RNF144A: variants seen among roughly 807,000 people sequenced by gnomAD.
The protein encoded by RNF144A is E3 ubiquitin-protein ligase RNF144A.
Under a neutral mutation model 38.7 loss-of-function variants are expected in RNF144A, and 11 were observed. That is an observed-to-expected ratio of 0.28 (90% confidence interval 0.18 to 0.47). The LOEUF (loss-of-function observed/expected upper bound fraction) is 0.47, where lower values mean the gene tolerates loss of function less well. Ranked by LOEUF, RNF144A falls within the 20% of genes least tolerant of loss-of-function variation. The pLI is 0.99. For missense variants in RNF144A, 316 were observed against 377.2 expected, an observed-to-expected ratio of 0.84 and a Z score of 1.34; for synonymous variants, 149 against 143.9, an observed-to-expected ratio of 1.04 and a Z score of -0.25.
chr2:7,068,591 A>G (rs1455559236), downstream of RNF144A, among the ~76,000 whole-genome samples: 1 of 152,232 alleles, frequency 6.6e-6, no homozygotes, highest in East Asian at 1.9e-4. Context: ...GTCAGACTGC[A>G]CTGGCGAATC....
At chr2:6,965,386 G>A (rs1667598493) in intron 2 of RNF144A, among the ~76,000 whole-genome samples, 1 of 152,208 alleles carries the variant, frequency 6.6e-6, no homozygotes, top group Non-Finnish European at 1.5e-5. Flanking sequence ...TCTTAGGTGA[G>A]TGGGCCTACA....
intron 2 of RNF144A, among the ~76,000 whole-genome samples, chr2:6,949,947 T>A (rs886124593): frequency 3.3e-5 from 5 of 152,050 alleles, no homozygotes; most frequent in Admixed American, 6.5e-5. Context: ...TCACCATTAT[T>A]ATTATTATTA....
intron 4 of RNF144A, 54 bp from the exon 5 acceptor site, chr2:7,014,658 A>G (rs1671024115): frequency 1.3e-6 from 2 of 1,551,256 alleles, no homozygotes; most frequent in Admixed American, 1.7e-5. Context: ...GCGTTGCATT[A>G]TATTCTAGCC....
chr2:6,933,201 CT>C (rs1665316975), intron 1 of RNF144A: 1 of 152,194 alleles, frequency 6.6e-6, no homozygotes, highest in Admixed American at 6.5e-5. Flanking sequence ...CTTTGGAACC[CT>C]TTACGTACGT....
downstream of RNF144A, among the ~76,000 whole-genome samples, chr2:7,046,952 CAAGA>C (rs1193177426): frequency 6.6e-6 from 1 of 152,126 alleles, no homozygotes; most frequent in East Asian, 1.9e-4. Flanking sequence ...TTTTACTGCA[CAAGA>C]AAGATCCAAC....
chr2:7,060,684 G>A (rs1673916723), intron 6 of RNF144A, among the ~76,000 whole-genome samples: 1 of 152,142 alleles, frequency 6.6e-6, no homozygotes, highest in South Asian at 2.1e-4. Context: ...CCACACCAGA[G>A]ATGCGTAGCA....
chr2:6,996,777 A>C (rs1558416884), intron 2 of RNF144A, 139 bp from the exon 3 acceptor site: 1 of 822,692 alleles, frequency 1.2e-6, no homozygotes, highest in Non-Finnish European at 1.9e-6. Flanking sequence ...AATTCTCAGA[A>C]CATCCAGATG....
intron 1 of RNF144A, among the ~76,000 whole-genome samples, chr2:6,938,234 C>G (rs1432624024): frequency 7.5e-6 from 1 of 133,366 alleles, no homozygotes; most frequent in Non-Finnish European, 1.6e-5. Context: ...TCCCCTCCCC[C>G]TCTCCCCTCC....
At chr2:7,017,845 T>G (rs1323370143) in intron 5 of RNF144A, among the ~76,000 whole-genome samples, 2 of 152,136 alleles carry the variant, frequency 1.3e-5, no homozygotes, top group African/African-American at 4.8e-5. Flanking sequence ...GGAAGGACAT[T>G]TGCAGTCTGC....
intron 8 of RNF144A, among the ~76,000 whole-genome samples, chr2:7,039,259 G>A (rs542525818): frequency 6.6e-6 from 1 of 150,468 alleles, no homozygotes; most frequent in East Asian, 2.0e-4. Context: ...ATGGATGATG[G>A]TTAATGGATG....
At chr2:6,952,255 GTTTAAATACACAT>G (rs1400977408) in intron 2 of RNF144A, among the ~76,000 whole-genome samples, 3 of 152,006 alleles carry the variant, frequency 2.0e-5, no homozygotes, top group Non-Finnish European at 1.5e-5. Flanking sequence ...AATCTAGCTT[GTTTAAATACACAT>G]CTGACACACA....
chr2:6,975,492 C>T (rs1013758016), intron 2 of RNF144A, among the ~76,000 whole-genome samples: 6 of 152,200 alleles, frequency 3.9e-5, no homozygotes, highest in African/African-American at 1.4e-4. Flanking sequence ...CACTGCCCAG[C>T]CCTCCTCGCC....
In RNF144A at chr2:7,014,492, A is replaced by G; in HGVS notation, c.174A>G (p.Gly58=). The G allele has an allele frequency of 6.2e-7, 1 of 1,612,062 alleles. No individual in the cohort carries two copies. The highest frequency in any genetic ancestry group is 8.5e-7 in the Non-Finnish European group (1 of 1,179,344). The change falls in exon 4 of 9, where the codon GGA becomes GGG. Residue 58 remains glycine, a synonymous_variant. Coordinates refer to ENST00000320892, the MANE Select transcript of RNF144A (RefSeq NM_014746.6). ...KQYVELLIKE[G]LETAISCPDA... ...ATGTTGAGCTCTTGATCAAAGAAGGATTAGAAACCGCAATTAGCTGCCCAG... is the reference window on the plus strand; with the variant it reads ...ATGTTGAGCTCTTGATCAAAGAAGGGTTAGAAACCGCAATTAGCTGCCCAG...
In RNF144A at chr2:7,054,357, T is replaced by A. The variant is rs997729792; in HGVS notation, c.735-13859T>A. Among the ~76,000 whole-genome samples, 6 of 152,194 alleles carry A rather than the reference T, an allele frequency of 3.9e-5. No homozygotes were observed. The East Asian group carries it at 1.2e-3, about 29-fold the overall frequency. ...ATACATATACATACATATGTACATA[T>A]ACACAGAGATATATAATCATAGGAG... On this transcript the variant is annotated intron_variant, in intron 6 of 6. Transcript: ENST00000432850.
intron 8 of RNF144A, among the ~76,000 whole-genome samples, chr2:7,032,851 C>A (rs1051245457): frequency 2.6e-5 from 4 of 152,228 alleles, no homozygotes; most frequent in African/African-American, 9.6e-5. Context: ...CCCATAACAA[C>A]ACCTACACCC....
At position 7,043,600 on chromosome 2, in the gene RNF144A, A is replaced by G; in HGVS notation, c.*3840A>G. Reference sequence around the variant, plus strand: ...CTAAGCCCTTATGAAAATAAACAAAATGAAGGGATTATGACAGGTATTACC... The same window carrying G: ...CTAAGCCCTTATGAAAATAAACAAAGTGAAGGGATTATGACAGGTATTACC... On this transcript the variant is annotated 3_prime_UTR_variant, in exon 9 of 9. Coordinates refer to ENST00000320892, the MANE Select transcript of RNF144A (RefSeq NM_014746.6). The G allele has an allele frequency of 1.0e-6, 1 of 985,760 alleles. No individual in the cohort carries two copies. Among genetic ancestry groups the G allele is most frequent in the Non-Finnish European group, 1.2e-6 (1 of 829,818 alleles). 61.1% of individuals were successfully genotyped at this position (985,760 alleles called of 1,614,324 possible).
chr2:7,042,871 T>A lies in RNF144A; in HGVS notation c.*3111T>A. ...CTGCCACCTCTGGCATTTTCTTTCT[T>A]TTTTTTTCTTTTTGAGACGGAGTTT... is the stretch of plus-strand genomic sequence containing the variant. On this transcript the variant is annotated 3_prime_UTR_variant, in exon 9 of 9. Transcript: ENST00000320892. The A allele has an allele frequency of 3.0e-6, 3 of 985,108 alleles. No individual in the cohort carries two copies. Among genetic ancestry groups the A allele is most frequent in the Non-Finnish European group, 3.6e-6 (3 of 829,682 alleles). The allele number at this position is 985,108 out of a possible 1,614,324, so 61.0% of individuals were successfully genotyped here.
chr2:6,925,430 A>G (rs1159222331), intron 1 of RNF144A, among the ~76,000 whole-genome samples: 1 of 152,130 alleles, frequency 6.6e-6, no homozygotes, highest in African/African-American at 2.4e-5. Context: ...CTAAGAAACC[A>G]TCTGTGTTTC....
At chr2:6,998,106 C>T (rs1669875415) in intron 3 of RNF144A, among the ~76,000 whole-genome samples, 1 of 151,120 alleles carries the variant, frequency 6.6e-6, no homozygotes, top group South Asian at 2.1e-4. Flanking sequence ...CTGAAAAAAG[C>T]TGAAAAATAA....
Sources: gnomAD v4.1 joint callset for allele counts (sites outside exome capture counted in the v4.1 genomes callset) on GRCh38, gnomAD v4.1.1 for gene constraint, MANE v1.5 for transcripts, NCBI Gene and HGNC (gene_info 2026-07-23, HGNC 2026-07-21) for gene names.